The following SPECC1 variants were observed in gnomAD, a reference collection of about 807,000 sequenced individuals.
The protein encoded by SPECC1 is cytospin-B.
In SPECC1, 62 loss-of-function variants were observed where a neutral mutation model predicts 104.1. That is an observed-to-expected ratio of 0.60 (90% CI 0.49 to 0.74). The LOEUF (loss-of-function observed/expected upper bound fraction) is 0.74, where lower values mean the gene tolerates loss of function less well. Among genes scored for constraint, SPECC1 ranks in the 30% least tolerant of loss-of-function variants. SPECC1 has a pLI of 0.00. For missense variants in SPECC1, 1,306 were observed against 1,310.5 expected, an observed-to-expected ratio of 1.00 and a Z score of 0.05; for synonymous variants, 513 against 501.6, an observed-to-expected ratio of 1.02 and a Z score of -0.30.
At chr17:20,197,351 A>G (rs1335856429) in intron 3 of SPECC1, among the ~76,000 whole-genome samples, 1 of 152,220 alleles carries the variant, frequency 6.6e-6, no homozygotes, top group Admixed American at 6.5e-5. Flanking sequence ...CAAGGTGCTT[A>G]GAGAAAGGAA....
At chr17:20,196,917 T>C (rs1349297837) in intron 3 of SPECC1, among the ~76,000 whole-genome samples, 2 of 152,242 alleles carry the variant, frequency 1.3e-5, no homozygotes, top group African/African-American at 4.8e-5. Flanking sequence ...TCCCGAAGAT[T>C]ACTAAGATTA....
chr17:20,314,476 A>G lies in SPECC1; in HGVS notation c.*411A>G. The G allele has an allele frequency of 3.2e-6, 1 of 308,650 alleles. No individual in the cohort carries two copies. The highest frequency in any genetic ancestry group is 4.5e-5 in the East Asian group (1 of 22,020). 19.1% of individuals were successfully genotyped at this position (308,650 alleles called of 1,614,324 possible). ...TTAAAAATATCCCGGCTTTGCCTTT[A>G]TGAAACCTTTGCCCTTGGCTGGGTG... On this transcript the variant is annotated 3_prime_UTR_variant, in exon 15 of 15. Coordinates refer to ENST00000395527, the MANE Select transcript of SPECC1 (RefSeq NM_001243439.2).
At position 20,205,751 on chromosome 17, in the gene SPECC1, G is replaced by T. The variant is rs762770247; in HGVS notation, c.1702G>T (p.Ala568Ser). The T allele has an allele frequency of 3.0e-5, 48 of 1,614,082 alleles. No individual in the cohort carries two copies. In the Admixed American group the frequency reaches 7.8e-4, roughly 26 times the overall value. ...LQGEKQKATE[A>S]SAVEQTAESC... Reference sequence around the variant, plus strand: ...GGGTGAGAAGCAGAAAGCCACAGAGGCCAGTGCTGTGGAGCAGACGGCAGA... The same window carrying T: ...GGGTGAGAAGCAGAAAGCCACAGAGTCCAGTGCTGTGGAGCAGACGGCAGA... Residue 568 changes from alanine (A) to serine (S), a missense_variant, in exon 4 of 15, where the codon GCC becomes TCC. This residue lies in a region of SPECC1 where 1,177 missense variants were observed against 1,139.9 expected (regional missense o/e 1.03). Transcript: ENST00000395527.
At chr17:20,172,730 A>C (rs1267851595) in intron 3 of SPECC1, among the ~76,000 whole-genome samples, 3 of 152,212 alleles carry the variant, frequency 2.0e-5, no homozygotes, top group African/African-American at 7.2e-5. Context: ...TGTGCCCACT[A>C]GCCCTTGATG....
intron 1 of SPECC1, among the ~76,000 whole-genome samples, chr17:20,068,117 CA>C (rs1001742383): frequency 6.6e-6 from 1 of 152,118 alleles, no homozygotes; most frequent in African/African-American, 2.4e-5. Flanking sequence ...AGATGTACAC[CA>C]CCACCCCTGG....
rs1417947431 is a variant in SPECC1, at chr17:20,152,033, G to C, written c.283+41471G>C. On this transcript the variant is annotated intron_variant, in intron 3 of 14. Transcript: ENST00000395527. ...GGAGAAACCCCAGCTGGGCCTGGTG[G>C]CTCATGCCTGTAATCCCAGCTACTC... 2.0e-5 allele frequency among the ~76,000 whole-genome samples: 3 copies of C among 151,868 alleles called. No individual in the cohort carries two copies. The East Asian group carries it at 5.8e-4, about 29-fold the overall frequency.
At chr17:20,093,798 T>C (rs1205236996) in intron 1 of SPECC1, among the ~76,000 whole-genome samples, 1 of 150,758 alleles carries the variant, frequency 6.6e-6, no homozygotes, top group Admixed American at 6.6e-5. Context: ...TAGCTCAATC[T>C]TGGTTCACTA....
At chr17:20,028,963 T>C (rs1263418431) in intron 1 of SPECC1, among the ~76,000 whole-genome samples, 1 of 152,184 alleles carries the variant, frequency 6.6e-6, no homozygotes, top group Non-Finnish European at 1.5e-5. Flanking sequence ...GGTTTCTCCA[T>C]GTTGGTCAGG....
intron 12 of SPECC1, among the ~76,000 whole-genome samples, chr17:20,274,789 CTAA>C (rs907493933): frequency 3.2e-4 from 49 of 152,008 alleles, no homozygotes; most frequent in African/African-American, 1.2e-3. Context: ...CTTGTTTCTT[CTAA>C]TATTTATACC....
intron 12 of SPECC1, among the ~76,000 whole-genome samples, chr17:20,274,973 T>C (rs571616248): frequency 4.7e-5 from 7 of 149,938 alleles, no homozygotes; most frequent in Non-Finnish European, 8.8e-5. Context: ...AATGAGATTC[T>C]TGTATTGTTT....
intron 12 of SPECC1, among the ~76,000 whole-genome samples, chr17:20,271,190 C>G (rs1238199586): frequency 6.6e-6 from 1 of 152,064 alleles, no homozygotes; most frequent in African/African-American, 2.4e-5. Flanking sequence ...TCCCCAGAGT[C>G]AAGCATTTTC....
At chr17:20,273,892 C>A (rs1229232345) in intron 12 of SPECC1, among the ~76,000 whole-genome samples, 2 of 152,068 alleles carry the variant, frequency 1.3e-5, no homozygotes. Context: ...TCTGTTAATG[C>A]CTTTGGAGGA....
At chr17:20,163,997 CATA>C (rs1469935688) in intron 3 of SPECC1, among the ~76,000 whole-genome samples, 1 of 152,156 alleles carries the variant, frequency 6.6e-6, no homozygotes, top group Non-Finnish European at 1.5e-5. Context: ...ATCCAATTCT[CATA>C]AACATTAAAA....
intron 8 of SPECC1, among the ~76,000 whole-genome samples, chr17:20,246,835 ATTGT>A (rs1193567190): frequency 6.6e-6 from 1 of 152,210 alleles, no homozygotes; most frequent in African/African-American, 2.4e-5. Context: ...CTCTGCTAAA[ATTGT>A]TTGCACCTAA....
chr17:20,234,453 G>A (rs1371319716), intron 7 of SPECC1, among the ~76,000 whole-genome samples: 1 of 152,130 alleles, frequency 6.6e-6, no homozygotes, highest in African/African-American at 2.4e-5. Flanking sequence ...TTAGTTGCTG[G>A]TGGTTCAGCC....
At chr17:20,107,765 A>T (rs7216794) in intron 2 of SPECC1, among the ~76,000 whole-genome samples, 85,150 of 151,976 alleles carry the variant, frequency 0.56, 24,417 homozygotes, top group Middle Eastern at 0.61. Flanking sequence ...ACCTCAGGTG[A>T]TCTGCCCGTT....
At chr17:20,083,681 G>C (rs575714853) in intron 1 of SPECC1, among the ~76,000 whole-genome samples, 1 of 152,112 alleles carries the variant, frequency 6.6e-6, no homozygotes, top group Non-Finnish European at 1.5e-5. Context: ...TTGCTGTTAC[G>C]AAATCAAGCT....
intron 1 of SPECC1, among the ~76,000 whole-genome samples, chr17:20,074,715 G>A (rs16960672): frequency 0.07 from 10,715 of 152,122 alleles, 404 homozygotes; most frequent in Non-Finnish European, 0.081. Flanking sequence ...TAGAGTAGCC[G>A]TGTTTCACTT....
At chr17:20,015,249 C>T (rs1004763998) in intron 1 of SPECC1, among the ~76,000 whole-genome samples, 1 of 151,346 alleles carries the variant, frequency 6.6e-6, no homozygotes, top group Non-Finnish European at 1.5e-5. Flanking sequence ...TTTCATGTTT[C>T]TTGAAATAAG....
Sources: gnomAD v4.1 joint callset for allele counts (sites outside exome capture counted in the v4.1 genomes callset) on GRCh38, gnomAD v4.1.1 for gene constraint, gnomAD v4.1.1 regional missense constraint, MANE v1.5 for transcripts, NCBI Gene and HGNC (gene_info 2026-07-23, HGNC 2026-07-21) for gene names.